The following UGT1A8 variants were observed in gnomAD, a reference collection of about 807,000 sequenced individuals.
The protein encoded by UGT1A8 is UDP-glucuronosyltransferase 1A8.
In UGT1A8, 39 loss-of-function variants were observed where a neutral mutation model predicts 45.3. The observed-to-expected ratio is 0.86, with a 90% CI of 0.67 to 1.12. The LOEUF (loss-of-function observed/expected upper bound fraction) is 1.12. Ranked by LOEUF, UGT1A8 falls within the 50% of genes most tolerant of loss-of-function variation. UGT1A8 has a pLI of 0.00. For synonymous variants in UGT1A8, 275 were observed against 249.2 expected (o/e 1.10, Z -0.97); for missense variants, 719 against 664.9 (o/e 1.08, Z -0.90).
chr2:233,694,012 A>T, intron 1 of UGT1A8: 1 of 1,424,192 alleles, frequency 7.0e-7, no homozygotes. Context: ...AGCAGCGGGA[A>T]CACATAGGAG....
chr2:233,765,190 A>G (rs186057259), intron 1 of UGT1A8, among the ~76,000 whole-genome samples: 22 of 152,308 alleles, frequency 1.4e-4, no homozygotes, highest in Admixed American at 5.2e-4. Flanking sequence ...ACATCACACA[A>G]TCATATTAGT....
intron 1 of UGT1A8, among the ~76,000 whole-genome samples, chr2:233,632,964 C>T (rs570871768): frequency 7.9e-5 from 12 of 152,136 alleles, no homozygotes; most frequent in South Asian, 2.1e-4. Flanking sequence ...TATTGGCTGT[C>T]GGTTTGTCAT....
At chr2:233,672,086 G>A in intron 1 of UGT1A8, 1 of 1,614,028 alleles carries the variant, frequency 6.2e-7, no homozygotes, top group Non-Finnish European at 8.5e-7. Flanking sequence ...CTCATTCTCA[G>A]GGGGCATGAG....
chr2:233,769,493 G>C lies in UGT1A8; in HGVS notation c.1295+1054G>C, dbSNP rs1230643911. 1 of 1,612,700 alleles carries C rather than the reference G, an allele frequency of 6.2e-7. No homozygotes were observed. Among genetic ancestry groups the C allele is most frequent in the Admixed American group, 1.7e-5 (1 of 60,004 alleles). On this transcript the variant is annotated intron_variant, in intron 4 of 4. Coordinates refer to ENST00000373450, the MANE Select transcript of UGT1A8 (RefSeq NM_019076.5). This position sits in a 1 kb window ranked among gnomAD's most constrained non-coding sequence, Gnocchi z 4.4. ...TGTGTGTGTGTGCGTGTGTTTATGA[G>C]AGTGTCCATTGCTTTCTCCCATGGT... is the stretch of plus-strand genomic sequence containing the variant.
rs559478312 is a variant in UGT1A8, at chr2:233,674,947, A to G, written c.855+56385A>G. ...CTGGGAAAAGCATGCAGTTGGTTAC[A>G]TCTTGCTGGGAAACAGGATTCAGAG... is the stretch of plus-strand genomic sequence containing the variant. On this transcript the variant is annotated intron_variant, in intron 1 of 4. Coordinates refer to ENST00000373450, the MANE Select transcript of UGT1A8 (RefSeq NM_019076.5). Among the ~76,000 whole-genome samples, 3 of 152,318 alleles carry G rather than the reference A, an allele frequency of 2.0e-5. No individual in the cohort carries two copies. In the East Asian group the frequency reaches 5.8e-4, roughly 29 times the overall value.
intron 1 of UGT1A8, among the ~76,000 whole-genome samples, chr2:233,618,985 T>A (rs909082043): frequency 5.9e-5 from 9 of 152,150 alleles, no homozygotes; most frequent in Admixed American, 5.9e-4. Context: ...TTAGCCCACG[T>A]TTTTGAGTAC....
At chr2:233,618,667 A>G (rs753862102) in intron 1 of UGT1A8, 105 bp downstream of exon 1, 13 of 1,513,522 alleles carry the variant, frequency 8.6e-6, no homozygotes, top group African/African-American at 1.4e-5. Context: ...TTGCATTTCA[A>G]ATTTCTTTCC....
chr2:233,650,939 C>T (rs536253880), intron 1 of UGT1A8, among the ~76,000 whole-genome samples: 16 of 152,122 alleles, frequency 1.1e-4, no homozygotes, highest in Non-Finnish European at 2.2e-4. Flanking sequence ...TATGTTCTGG[C>T]TTCTTACAAG....
At chr2:233,705,226 CT>C (rs1230917250) in intron 1 of UGT1A8, among the ~76,000 whole-genome samples, 3 of 151,792 alleles carry the variant, frequency 2.0e-5, no homozygotes, top group Non-Finnish European at 4.4e-5. Context: ...ATTATCAGTG[CT>C]TTTTTTCTGT....
At chr2:233,717,710 C>G in intron 1 of UGT1A8, 1 of 452,848 alleles carries the variant, frequency 2.2e-6, no homozygotes, top group Non-Finnish European at 4.5e-6. Context: ...CAGGACGAGC[C>G]TCATGGGCAT....
At chr2:233,649,242 A>G (rs765388059) in intron 1 of UGT1A8, among the ~76,000 whole-genome samples, 5 of 152,212 alleles carry the variant, frequency 3.3e-5, no homozygotes, top group Non-Finnish European at 5.9e-5. Context: ...TTAATTGCTC[A>G]TAATTTCCAC....
intron 1 of UGT1A8, chr2:233,743,520 G>C (rs759007678): frequency 7.3e-7 from 1 of 1,367,248 alleles, no homozygotes; most frequent in South Asian, 1.1e-5. Context: ...CTCTGCTTCT[G>C]CTTCCCCAGC....
At chr2:233,714,961 C>T (rs2076425235) in intron 1 of UGT1A8, among the ~76,000 whole-genome samples, 1 of 152,180 alleles carries the variant, frequency 6.6e-6, no homozygotes, top group South Asian at 2.1e-4. Context: ...ATTGCAACCT[C>T]CACCTCCCAG....
chr2:233,767,582 C>A (rs1315665394), intron 2 of UGT1A8, among the ~76,000 whole-genome samples: 1 of 152,138 alleles, frequency 6.6e-6, no homozygotes, highest in Non-Finnish European at 1.5e-5. Context: ...CAAACTTTCC[C>A]TTAAAGTGCA....
chr2:233,654,570 A>C (rs1559326640), intron 1 of UGT1A8, among the ~76,000 whole-genome samples: 1 of 152,270 alleles, frequency 6.6e-6, no homozygotes, highest in East Asian at 1.9e-4. Context: ...ATATATAACA[A>C]AAATGAAAAG....
Position 233,628,322 on chromosome 2 carries a change from A to T in UGT1A8, c.855+9760A>T, listed in dbSNP as rs746496423. 1.3e-4 allele frequency among the ~76,000 whole-genome samples: 18 copies of T among 141,236 alleles called. No homozygotes were observed. The South Asian group carries it at 1.4e-3, about 11-fold the overall frequency. The allele number at this position is 141,236 out of a possible 152,430, so 92.7% of individuals were successfully genotyped here. On this transcript the variant is annotated intron_variant, in intron 1 of 4. Transcript: ENST00000373450. Reference sequence around the variant, plus strand: ...TCTAGTTTATGTGGTTTATATATATATTTTTTCAAACTGTTAGAAATTTCT... The same window carrying T: ...TCTAGTTTATGTGGTTTATATATATTTTTTTTCAAACTGTTAGAAATTTCT...
Position 233,767,942 on chromosome 2 carries a change from T to C in UGT1A8, c.1075+6T>C, listed in dbSNP as rs1198417535. The stretch of plus-strand genomic sequence containing the variant: ...ACCCCAAAACGATCTGCTTGGTATG[T>C]TGGGCGGATTGGATGTATAGGTCAA... On this transcript the variant is annotated splice_donor_region_variant and intron_variant, in intron 3 of 4. Transcript: ENST00000373450. The C allele has an allele frequency of 3.7e-6, 6 of 1,614,092 alleles. No individual in the cohort carries two copies. The East Asian group carries it at 1.1e-4, about 30-fold the overall frequency.
intron 1 of UGT1A8, chr2:233,747,140 A>C: frequency 1.3e-6 from 2 of 1,552,466 alleles, no homozygotes; most frequent in East Asian, 2.3e-5. Flanking sequence ...GTGACAAGGT[A>C]ATTAAGATGA....
intron 1 of UGT1A8, among the ~76,000 whole-genome samples, chr2:233,667,197 T>C (rs1417183023): frequency 2.0e-5 from 3 of 152,310 alleles, no homozygotes; most frequent in East Asian, 1.9e-4. Context: ...ATAGTATTTC[T>C]AGTTCTAGAT....
Sources: gnomAD v4.1 joint callset for allele counts (sites outside exome capture counted in the v4.1 genomes callset) on GRCh38, gnomAD v4.1.1 for gene constraint, Gnocchi (gnomAD v3.1) non-coding constraint, MANE v1.5 for transcripts, NCBI Gene and HGNC (gene_info 2026-07-23, HGNC 2026-07-21) for gene names.